CCDC30: variants seen among roughly 807,000 people sequenced by gnomAD.
CCDC30 encodes coiled-coil domain containing 30, also known as coiled-coil domain-containing protein 30.
Under a neutral mutation model 100.2 loss-of-function variants are expected in CCDC30, and 70 were observed. That is an observed-to-expected ratio of 0.70 (90% confidence interval 0.58 to 0.85). The LOEUF is 0.85. Ranked by LOEUF, CCDC30 falls within the 40% of genes least tolerant of loss-of-function variation. The pLI, the probability that CCDC30 is intolerant of heterozygous loss-of-function variation, is 0.00. For missense variants in CCDC30, 652 were observed against 771.2 expected (o/e 0.85, Z 1.83); for synonymous variants, 233 against 269.5 (o/e 0.86, Z 1.33).
intron 1 of CCDC30, among the ~76,000 whole-genome samples, chr1:42,478,319 T>C (rs1643906078): frequency 6.6e-6 from 1 of 152,048 alleles, no homozygotes; most frequent in African/African-American, 2.4e-5. Flanking sequence ...AGAGTGTAAA[T>C]GGTGAGGGAA....
At chr1:42,558,512 C>G (rs1448738788) in intron 6 of CCDC30, among the ~76,000 whole-genome samples, 1 of 152,052 alleles carries the variant, frequency 6.6e-6, no homozygotes, top group East Asian at 1.9e-4. Context: ...AACTCATCAC[C>G]CCATCCAGCA....
chr1:42,536,093 G>A (rs1372489126), intron 6 of CCDC30, among the ~76,000 whole-genome samples: 1 of 151,916 alleles, frequency 6.6e-6, no homozygotes, highest in Non-Finnish European at 1.5e-5. Flanking sequence ...ACTTACCATA[G>A]TCTCTGACAT....
chr1:42,470,549 G>GA (rs1643736000), intron 1 of CCDC30, among the ~76,000 whole-genome samples: 1 of 152,178 alleles, frequency 6.6e-6, no homozygotes, highest in Non-Finnish European at 1.5e-5. Flanking sequence ...TTGAAAGGTG[G>GA]AAACAACTCC....
At chr1:42,582,262 A>G (rs1182132220) in intron 9 of CCDC30, among the ~76,000 whole-genome samples, 1 of 152,158 alleles carries the variant, frequency 6.6e-6, no homozygotes, top group Non-Finnish European at 1.5e-5. Flanking sequence ...CATAAGCTCC[A>G]TCAAGGTCAA....
At chr1:42,533,440 A>G (rs1033928999) in intron 6 of CCDC30, among the ~76,000 whole-genome samples, 5 of 152,244 alleles carry the variant, frequency 3.3e-5, no homozygotes, top group African/African-American at 1.2e-4. Context: ...CCCCAGAGTA[A>G]GCAGGAGTAT....
At chr1:42,552,065 C>G (rs1049320879) in intron 6 of CCDC30, among the ~76,000 whole-genome samples, 2 of 152,132 alleles carry the variant, frequency 1.3e-5, no homozygotes, top group Non-Finnish European at 1.5e-5. Flanking sequence ...TGTACCTAGC[C>G]AAATTCTGTT....
At chr1:42,564,941 G>A (rs12035127) in intron 6 of CCDC30, among the ~76,000 whole-genome samples, 30,452 of 151,948 alleles carry the variant, frequency 0.2, 3,366 homozygotes, top group South Asian at 0.42. Context: ...TGCAGTATTT[G>A]TCTTTCTGCG....
chr1:42,479,061 T>C (rs1018871470), intron 1 of CCDC30, among the ~76,000 whole-genome samples: 2 of 152,102 alleles, frequency 1.3e-5, no homozygotes, highest in Non-Finnish European at 2.9e-5. Flanking sequence ...GACTTAACCA[T>C]AAAGCTGTAG....
At chr1:42,652,484 A>G (rs965485736) in intron 15 of CCDC30, among the ~76,000 whole-genome samples, 3 of 152,202 alleles carry the variant, frequency 2.0e-5, no homozygotes, top group Non-Finnish European at 4.4e-5. Context: ...TAATTTGTCA[A>G]TATTCAATAG....
intron 3 of CCDC30, chr1:42,489,825 T>C (rs928066926): frequency 1.2e-5 from 2 of 162,218 alleles, no homozygotes; most frequent in Non-Finnish European, 2.7e-5. Flanking sequence ...AATTTCTTTT[T>C]ACTAAACTGG....
chr1:42,554,458 A>G (rs1462548171), intron 6 of CCDC30, among the ~76,000 whole-genome samples: 1 of 151,826 alleles, frequency 6.6e-6, no homozygotes, highest in Non-Finnish European at 1.5e-5. Context: ...TTGTATTTTT[A>G]GTAGAGACAG....
At chr1:42,491,517 AAAG>A (rs1258237026) in intron 4 of CCDC30, among the ~76,000 whole-genome samples, 2 of 152,118 alleles carry the variant, frequency 1.3e-5, no homozygotes, top group South Asian at 2.1e-4. Flanking sequence ...AAAAAAAAAA[AAAG>A]AAAGAATAAG....
chr1:42,495,430 A>G (rs964621222), intron 4 of CCDC30, among the ~76,000 whole-genome samples: 2 of 152,036 alleles, frequency 1.3e-5, no homozygotes, highest in South Asian at 2.1e-4. Flanking sequence ...TGGGTGCAGC[A>G]CACCAGCATG....
chr1:42,649,151 T>C (rs779396040), intron 15 of CCDC30, among the ~76,000 whole-genome samples: 2 of 151,926 alleles, frequency 1.3e-5, no homozygotes, highest in South Asian at 4.1e-4. Context: ...ACTCAAACTC[T>C]TCAAAAAAAA....
chr1:42,524,471 A>G (rs1644694152), intron 6 of CCDC30, among the ~76,000 whole-genome samples: 1 of 152,182 alleles, frequency 6.6e-6, no homozygotes, highest in Non-Finnish European at 1.5e-5. Flanking sequence ...AGCCCTTTGA[A>G]TCTCCTGAAT....
chr1:42,475,487 T>C (rs1015204853), intron 1 of CCDC30, among the ~76,000 whole-genome samples: 14 of 152,074 alleles, frequency 9.2e-5, no homozygotes, highest in African/African-American at 3.4e-4. Flanking sequence ...TCAAACAGAG[T>C]TGTTTTTCCT....
intron 8 of CCDC30, among the ~76,000 whole-genome samples, chr1:42,579,676 AAAGGAAGG>A (rs1484940299): frequency 1.1e-4 from 16 of 150,444 alleles, no homozygotes; most frequent in African/African-American, 3.7e-4. Flanking sequence ...AGCAAGGAAG[AAAGGAAGG>A]AAGGGAGGAA....
intron 1 of CCDC30, among the ~76,000 whole-genome samples, chr1:42,474,554 T>C (rs1454427881): frequency 6.6e-6 from 1 of 152,182 alleles, no homozygotes; most frequent in Admixed American, 6.5e-5. Context: ...CTGTACATAT[T>C]TTAAGGAGTT....
At chr1:42,575,198 C>A (rs1486808657) in intron 7 of CCDC30, among the ~76,000 whole-genome samples, 1 of 152,182 alleles carries the variant, frequency 6.6e-6, no homozygotes, top group Non-Finnish European at 1.5e-5. Flanking sequence ...TAAATTCTCT[C>A]TCACCACTTT....
Sources: allele counts gnomAD v4.1 joint callset (sites outside exome capture counted in the v4.1 genomes callset), GRCh38; gene constraint gnomAD v4.1.1; transcripts MANE v1.5; gene names NCBI Gene and HGNC (gene_info 2026-07-23, HGNC 2026-07-21).